The following XKR6 variants were observed in gnomAD, a reference collection of about 807,000 sequenced individuals.
XKR6 encodes XK-related protein 6.
XKR6 carries 22 observed loss-of-function variants against 56.7 expected under a neutral mutation model. The ratio of observed to expected loss-of-function variants is 0.39; its 90% confidence interval spans 0.28 to 0.55. The LOEUF (loss-of-function observed/expected upper bound fraction) is 0.55, where lower values mean the gene tolerates loss of function less well. Among genes scored for constraint, XKR6 ranks in the 20% least tolerant of loss-of-function variants. The pLI is 0.66. For synonymous variants in XKR6, 524 were observed against 387.8 expected (o/e 1.35, Z -4.13); for missense variants, 852 against 889.0 (o/e 0.96, Z 0.53).
intron 1 of XKR6, among the ~76,000 whole-genome samples, chr8:11,042,556 G>A (rs1184609295): frequency 3.3e-5 from 5 of 152,202 alleles, no homozygotes; most frequent in Admixed American, 1.3e-4. Context: ...TCCCAGCCAG[G>A]TGGAACTGTG....
At chr8:11,077,868 C>T (rs141015759) in intron 1 of XKR6, among the ~76,000 whole-genome samples, 1 of 152,114 alleles carries the variant, frequency 6.6e-6, no homozygotes, top group South Asian at 2.1e-4. Context: ...ATCATCAGAC[C>T]GGGGACCCAG....
chr8:10,918,898 C>G (rs759959423), intron 2 of XKR6, among the ~76,000 whole-genome samples: 1 of 152,190 alleles, frequency 6.6e-6, no homozygotes, highest in Non-Finnish European at 1.5e-5. Flanking sequence ...CCCAAAGACT[C>G]TCCATCCCAT....
intron 1 of XKR6, among the ~76,000 whole-genome samples, chr8:10,990,059 CCAGA>C (rs1797954051): frequency 1.3e-5 from 2 of 152,188 alleles, no homozygotes; most frequent in South Asian, 4.1e-4. Flanking sequence ...TCATTATCTC[CCAGA>C]CAGCAGTGGT....
At chr8:11,041,828 A>G (rs1190859545) in intron 1 of XKR6, among the ~76,000 whole-genome samples, 1 of 152,212 alleles carries the variant, frequency 6.6e-6, no homozygotes, top group Non-Finnish European at 1.5e-5. Flanking sequence ...AAATGGTCTA[A>G]TACATTGATA....
At chr8:11,005,845 T>TC (rs1172734498) in intron 1 of XKR6, among the ~76,000 whole-genome samples, 4 of 144,970 alleles carry the variant, frequency 2.8e-5, no homozygotes, top group East Asian at 1.9e-4. Flanking sequence ...TTTCTTTCTT[T>TC]TTTTTTTTTT....
At chr8:11,164,297 G>A (rs118178366) in intron 1 of XKR6, among the ~76,000 whole-genome samples, 9 of 152,316 alleles carry the variant, frequency 5.9e-5, no homozygotes, top group Non-Finnish European at 1.2e-4. Flanking sequence ...TGCTAGGAAC[G>A]AGGTCAATTA....
intron 2 of XKR6, among the ~76,000 whole-genome samples, chr8:10,903,026 G>A (rs947447841): frequency 2.6e-5 from 4 of 152,174 alleles, no homozygotes; most frequent in African/African-American, 9.7e-5. Flanking sequence ...GCTCACTTCA[G>A]GACCCCGTTT....
intron 1 of XKR6, among the ~76,000 whole-genome samples, chr8:11,117,963 A>T: frequency 6.6e-6 from 1 of 152,194 alleles, no homozygotes. Context: ...GAATACCGAG[A>T]GTGTGGGGGA....
At chr8:10,970,052 G>A (rs535798759) in intron 1 of XKR6, among the ~76,000 whole-genome samples, 78 of 152,332 alleles carry the variant, frequency 5.1e-4, no homozygotes, top group African/African-American at 1.7e-3. Context: ...CAGATGGGTG[G>A]CACTTGTGAA....
chr8:10,958,436 C>T (rs1252289991), intron 1 of XKR6, among the ~76,000 whole-genome samples: 1 of 152,202 alleles, frequency 6.6e-6, no homozygotes, highest in Non-Finnish European at 1.5e-5. Context: ...GTTGGTGCTG[C>T]CATTCTCCCA....
chr8:10,952,010 G>C (rs763686999), intron 1 of XKR6, among the ~76,000 whole-genome samples: 2 of 152,150 alleles, frequency 1.3e-5, no homozygotes, highest in African/African-American at 2.4e-5. Flanking sequence ...GGGAAATCGT[G>C]GGCCAGTGGG....
At chr8:11,154,157 G>A (rs774625126) in intron 1 of XKR6, among the ~76,000 whole-genome samples, 145 of 152,256 alleles carry the variant, frequency 9.5e-4, no homozygotes, top group Non-Finnish European at 1.7e-3. Context: ...GGATCTTAGG[G>A]TAGGGTTGGC....
At chr8:11,161,555 G>A (rs1801812753) in intron 1 of XKR6, among the ~76,000 whole-genome samples, 1 of 152,152 alleles carries the variant, frequency 6.6e-6, no homozygotes, top group African/African-American at 2.4e-5. Flanking sequence ...TCCCCATGCT[G>A]GGGCACACTC....
chr8:11,038,534 TGTGTGTG>T (rs1323750125), intron 1 of XKR6, among the ~76,000 whole-genome samples: 3 of 150,454 alleles, frequency 2.0e-5, no homozygotes, highest in Non-Finnish European at 4.4e-5. Context: ...TGTGTGTGTG[TGTGTGTG>T]TGTGTGTGTT....
intron 1 of XKR6, among the ~76,000 whole-genome samples, chr8:11,087,631 G>A (rs1797933832): frequency 6.6e-6 from 1 of 152,164 alleles, no homozygotes; most frequent in Admixed American, 6.5e-5. Flanking sequence ...AAGGGAACCA[G>A]CCTAACATTC....
intron 1 of XKR6, among the ~76,000 whole-genome samples, chr8:11,145,759 T>C (rs1800949587): frequency 1.3e-5 from 2 of 152,198 alleles, no homozygotes; most frequent in African/African-American, 4.8e-5. Flanking sequence ...TTTAATATTG[T>C]CATGATTTCA....
chr8:10,955,333 C>G (rs115527166), intron 1 of XKR6, among the ~76,000 whole-genome samples: 369 of 152,248 alleles, frequency 2.4e-3, no homozygotes, highest in African/African-American at 8.5e-3. Flanking sequence ...CCGACATGCC[C>G]AGCTAATTTT....
At chr8:11,150,607 C>A (rs1199491304) in intron 1 of XKR6, among the ~76,000 whole-genome samples, 1 of 152,100 alleles carries the variant, frequency 6.6e-6, no homozygotes, top group African/African-American at 2.4e-5. Context: ...AATCCCAGCA[C>A]TTCGGGAGGC....
At chr8:11,131,795 A>G (rs1194530478) in intron 1 of XKR6, among the ~76,000 whole-genome samples, 1 of 152,182 alleles carries the variant, frequency 6.6e-6, no homozygotes. Context: ...TTGCATTACA[A>G]CTGCCTACAC....
Sources: allele counts gnomAD v4.1 joint callset (sites outside exome capture counted in the v4.1 genomes callset), GRCh38; gene constraint gnomAD v4.1.1; transcripts MANE v1.5; gene names NCBI Gene and HGNC (gene_info 2026-07-23, HGNC 2026-07-21).